ADGRL4: variants seen among roughly 807,000 people sequenced by gnomAD.
The protein encoded by ADGRL4 is adhesion G protein-coupled receptor L4.
A neutral mutation model predicts 74.8 loss-of-function variants in ADGRL4; 90 were observed. The observed-to-expected ratio is 1.20, with a 90% CI of 1.02 to 1.43. The LOEUF (loss-of-function observed/expected upper bound fraction) is 1.43, where lower values mean the gene tolerates loss of function less well. ADGRL4 is among the 40% of genes most tolerant of loss of function. The pLI, the probability that ADGRL4 is intolerant of heterozygous loss-of-function variation, is 0.00. For synonymous variants in ADGRL4, 311 were observed against 279.2 expected (o/e 1.11, Z -1.14); for missense variants, 881 against 814.3 (o/e 1.08, Z -1.00).
chr1:78,905,296 A>G (rs973754474), intron 12 of ADGRL4, among the ~76,000 whole-genome samples: 2 of 152,052 alleles, frequency 1.3e-5, no homozygotes, highest in Non-Finnish European at 2.9e-5. Context: ...GCTAACTTCA[A>G]TAAGTTTATA....
chr1:78,937,999 A>G lies in ADGRL4; in HGVS notation c.577-9T>C. ...ACGGTTTTTACAAATTCCTATTGAA[A>G]AAAAGTATGTCTTTTAGAAATGTTG... On this transcript the variant is annotated splice_polypyrimidine_tract_variant and intron_variant, in intron 5 of 14. Transcript: ENST00000370742. 6.2e-7 allele frequency: 1 copy of G among 1,607,840 alleles called. No homozygotes were observed. The highest frequency in any genetic ancestry group is 1.7e-5 in the Admixed American group (1 of 58,350).
At chr1:79,002,486 G>T (rs1332835) in intron 2 of ADGRL4, among the ~76,000 whole-genome samples, 41,296 of 152,002 alleles carry the variant, frequency 0.27, 5,652 homozygotes, top group Non-Finnish European at 0.29. Context: ...AAGGCAATGG[G>T]AATTAAGTCA....
chr1:78,910,415 C>T (rs1057302807), intron 12 of ADGRL4, among the ~76,000 whole-genome samples: 26 of 151,710 alleles, frequency 1.7e-4, no homozygotes, highest in African/African-American at 6.0e-4. Context: ...AGTAGTGATA[C>T]AGCAACACAT....
At chr1:78,896,876 C>T (rs556602288) in intron 12 of ADGRL4, among the ~76,000 whole-genome samples, 1 of 152,210 alleles carries the variant, frequency 6.6e-6, no homozygotes, top group East Asian at 1.9e-4. Context: ...TATCTTTTGA[C>T]CACTTCACTC....
chr1:78,904,082 T>C (rs1168396762), intron 12 of ADGRL4, among the ~76,000 whole-genome samples: 1 of 151,734 alleles, frequency 6.6e-6, no homozygotes, highest in Admixed American at 6.6e-5. Context: ...AAGTAAGACA[T>C]GGAAAACAAA....
At position 78,890,701 on chromosome 1, in the gene ADGRL4, T is replaced by C. The variant is rs1224286709; in HGVS notation, c.*453A>G. 1.3e-5 allele frequency: 2 copies of C among 155,376 alleles called. No individual in the cohort carries two copies. The highest frequency in any genetic ancestry group is 4.8e-5 in the African/African-American group (2 of 41,524). 9.6% of individuals were successfully genotyped at this position (155,376 alleles called of 1,614,324 possible). On this transcript the variant is annotated 3_prime_UTR_variant, in exon 15 of 15. Coordinates refer to ENST00000370742, the MANE Select transcript of ADGRL4 (RefSeq NM_022159.4). ...CATCTTATCATTCCCTTTTCACTGT[T>C]TGATATTCTGCCCCTTCATTCTCTT...
chr1:79,002,471 T>A (rs1277351280), intron 2 of ADGRL4, among the ~76,000 whole-genome samples: 1 of 152,128 alleles, frequency 6.6e-6, no homozygotes, highest in Non-Finnish European at 1.5e-5. Context: ...GGCATATTTG[T>A]TGAGAAGGCA....
intron 12 of ADGRL4, among the ~76,000 whole-genome samples, chr1:78,916,294 A>G (rs1347280898): frequency 6.6e-6 from 1 of 151,880 alleles, no homozygotes; most frequent in East Asian, 1.9e-4. Context: ...AATAAGAGTC[A>G]TTGCTCCACG....
chr1:78,988,445 G>T (rs1650540153), intron 2 of ADGRL4, among the ~76,000 whole-genome samples: 1 of 151,750 alleles, frequency 6.6e-6, no homozygotes, highest in Admixed American at 6.6e-5. Context: ...ACTAGAGAGG[G>T]TTCAAATGCA....
chr1:78,916,894 A>T (rs1648883561), intron 12 of ADGRL4, among the ~76,000 whole-genome samples: 1 of 151,860 alleles, frequency 6.6e-6, no homozygotes. Context: ...ACTGTTGAAA[A>T]CTTTCAGGAC....
intron 12 of ADGRL4, among the ~76,000 whole-genome samples, chr1:78,912,012 C>A (rs1278680841): frequency 1.3e-5 from 2 of 151,686 alleles, no homozygotes; most frequent in African/African-American, 2.4e-5. Flanking sequence ...ACTTACTAGG[C>A]ACTTCTATAC....
chr1:78,966,024 A>T (rs1650049362), intron 2 of ADGRL4, among the ~76,000 whole-genome samples: 1 of 152,100 alleles, frequency 6.6e-6, no homozygotes, highest in South Asian at 2.1e-4. Context: ...AAACAAAAAA[A>T]CCAAAGCTGT....
intron 2 of ADGRL4, among the ~76,000 whole-genome samples, chr1:78,948,924 G>A (rs1215364568): frequency 6.6e-6 from 1 of 152,044 alleles, no homozygotes; most frequent in Non-Finnish European, 1.5e-5. Context: ...CCTGCTGTCA[G>A]AGTTCACATT....
At chr1:78,969,586 A>G (rs1314038869) in intron 2 of ADGRL4, among the ~76,000 whole-genome samples, 2 of 152,170 alleles carry the variant, frequency 1.3e-5, no homozygotes, top group Non-Finnish European at 2.9e-5. Context: ...AGTTTCATCA[A>G]AGCCAATCCA....
chr1:79,006,124 C>A lies in ADGRL4; in HGVS notation c.22+509G>T, dbSNP rs78184752. 1.1e-3 allele frequency among the ~76,000 whole-genome samples: 163 copies of A among 152,314 alleles called. 3 individuals carry two copies. In the East Asian group the frequency reaches 0.029, roughly 27 times the overall value. ...AAGCATGAGGTCATTGTTCTGAAAA[C>A]AGTCATCTAACATTAGTTGTCCTTA... On this transcript the variant is annotated intron_variant, in intron 1 of 14. Transcript: ENST00000370742.
chr1:78,993,221 C>T (rs372527179), intron 2 of ADGRL4, among the ~76,000 whole-genome samples: 104 of 152,138 alleles, frequency 6.8e-4, no homozygotes, highest in African/African-American at 2.4e-3. Flanking sequence ...AGAAGGAATA[C>T]TTTATTTCTT....
intron 3 of ADGRL4, among the ~76,000 whole-genome samples, chr1:78,945,177 A>AAAAAAAAAATAT (rs376405445): frequency 1.6e-5 from 2 of 127,922 alleles, no homozygotes; most frequent in African/African-American, 2.9e-5. Context: ...AAAAAAAAAA[A>AAAAAAAAAATAT]ATATATATAT....
At chr1:79,003,542 A>G (rs191663127) in intron 2 of ADGRL4, among the ~76,000 whole-genome samples, 21 of 152,108 alleles carry the variant, frequency 1.4e-4, no homozygotes, top group African/African-American at 4.6e-4. Flanking sequence ...TCTGTTTATT[A>G]GCTAGTTATT....
chr1:78,991,881 G>T (rs2100735000), intron 2 of ADGRL4, among the ~76,000 whole-genome samples: 1 of 152,072 alleles, frequency 6.6e-6, no homozygotes, highest in Admixed American at 6.6e-5. Context: ...AAGTATGTAT[G>T]GTTCCTTTAA....
Sources: gnomAD v4.1 joint callset for allele counts (sites outside exome capture counted in the v4.1 genomes callset) on GRCh38, gnomAD v4.1.1 for gene constraint, MANE v1.5 for transcripts, NCBI Gene and HGNC (gene_info 2026-07-23, HGNC 2026-07-21) for gene names.